DAPK1: variants seen among roughly 807,000 people sequenced by gnomAD.
DAPK1 encodes death-associated protein kinase 1.
Under a neutral mutation model 144.9 loss-of-function variants are expected in DAPK1, and 56 were observed. The ratio of observed to expected loss-of-function variants is 0.39; its 90% CI spans 0.31 to 0.48. The LOEUF is 0.48. DAPK1 is among the 20% of genes least tolerant of loss of function. The probability of loss-of-function intolerance (pLI) is 0.95; values close to 1 mark genes in which losing one functional copy is unlikely to be tolerated. For missense variants in DAPK1, 1,454 were observed against 1,875.4 expected (o/e 0.78, Z 4.15); for synonymous variants, 690 against 749.0 (o/e 0.92, Z 1.29).
intron 3 of DAPK1, among the ~76,000 whole-genome samples, chr9:87,612,749 A>C (rs900595116): frequency 4.6e-5 from 7 of 152,158 alleles, no homozygotes; most frequent in African/African-American, 1.7e-4. Flanking sequence ...CAATACATAC[A>C]TCTCACTCCC....
chr9:87,587,511 A>G (rs2118862482), intron 2 of DAPK1, among the ~76,000 whole-genome samples: 1 of 152,292 alleles, frequency 6.6e-6, no homozygotes, highest in Non-Finnish European at 1.5e-5. Flanking sequence ...GCTCTCCAAG[A>G]GATGGAGCAA....
At chr9:87,527,195 A>G (rs1257078323) in intron 2 of DAPK1, among the ~76,000 whole-genome samples, 1 of 142,796 alleles carries the variant, frequency 7.0e-6, no homozygotes, top group Non-Finnish European at 1.5e-5. Flanking sequence ...AAAACCACCC[A>G]AGGGTGGCAT....
chr9:87,677,465 G>A (rs770525861), intron 19 of DAPK1, among the ~76,000 whole-genome samples: 14 of 152,222 alleles, frequency 9.2e-5, no homozygotes, highest in Non-Finnish European at 1.5e-4. Context: ...CAGGACAGAC[G>A]TGTGTGCTGA....
intron 2 of DAPK1, among the ~76,000 whole-genome samples, chr9:87,603,960 A>G (rs1828618300): frequency 6.6e-6 from 1 of 152,236 alleles, no homozygotes; most frequent in Non-Finnish European, 1.5e-5. Flanking sequence ...TAGAAAACCC[A>G]TCAAACTGAC....
chr9:87,531,148 C>G (rs1239390986), intron 2 of DAPK1, among the ~76,000 whole-genome samples: 1 of 152,136 alleles, frequency 6.6e-6, no homozygotes, highest in Non-Finnish European at 1.5e-5. Context: ...ATGCTCTGAT[C>G]ATTGCATTGT....
chr9:87,568,003 G>A (rs1292322259), intron 2 of DAPK1, among the ~76,000 whole-genome samples: 1 of 152,256 alleles, frequency 6.6e-6, no homozygotes, highest in Non-Finnish European at 1.5e-5. Flanking sequence ...GACGGTCCAA[G>A]GTCTCATGGC....
intron 18 of DAPK1, among the ~76,000 whole-genome samples, chr9:87,664,926 T>G (rs1427594905): frequency 6.6e-6 from 1 of 152,216 alleles, no homozygotes; most frequent in East Asian, 1.9e-4. Flanking sequence ...CTTGATGTTC[T>G]TCAAAAGTGC....
chr9:87,692,100 T>C (rs1422836960), intron 21 of DAPK1, among the ~76,000 whole-genome samples: 1 of 152,120 alleles, frequency 6.6e-6, no homozygotes, highest in Non-Finnish European at 1.5e-5. Context: ...CCAAATATTG[T>C]TGTATTGAAG....
chr9:87,518,703 T>A (rs576978480), intron 2 of DAPK1, among the ~76,000 whole-genome samples: 1 of 152,308 alleles, frequency 6.6e-6, no homozygotes, highest in Admixed American at 6.5e-5. Flanking sequence ...CTTATTTCTC[T>A]GTATCTGTGG....
chr9:87,499,491 T>A, intron 2 of DAPK1: 2 of 347,156 alleles, frequency 5.8e-6, no homozygotes, highest in East Asian at 8.6e-5. Flanking sequence ...AGCTTTTATG[T>A]GTGATTTAAA....
At chr9:87,563,498 A>G (rs1001314553) in intron 2 of DAPK1, among the ~76,000 whole-genome samples, 1 of 152,180 alleles carries the variant, frequency 6.6e-6, no homozygotes, top group African/African-American at 2.4e-5. Flanking sequence ...TATTCCCTGA[A>G]TTGGGGCTGG....
chr9:87,700,499 A>T (rs1272770406), intron 24 of DAPK1, among the ~76,000 whole-genome samples: 1 of 152,024 alleles, frequency 6.6e-6, no homozygotes, highest in East Asian at 1.9e-4. Context: ...TATTTTATTT[A>T]TTTATTTTAT....
intron 3 of DAPK1, among the ~76,000 whole-genome samples, chr9:87,613,085 T>C (rs1045134024): frequency 1.3e-5 from 2 of 152,206 alleles, no homozygotes; most frequent in Non-Finnish European, 2.9e-5. Context: ...GCTTTCTCTC[T>C]CTTTCTTTGT....
chr9:87,697,649 T>C (rs1825306400), intron 22 of DAPK1, among the ~76,000 whole-genome samples: 1 of 152,120 alleles, frequency 6.6e-6, no homozygotes, highest in Non-Finnish European at 1.5e-5. Context: ...ATCCTGTAAT[T>C]CCACTAAGAA....
chr9:87,613,492 T>C (rs1202732797), intron 3 of DAPK1, among the ~76,000 whole-genome samples: 2 of 152,254 alleles, frequency 1.3e-5, no homozygotes, highest in Non-Finnish European at 2.9e-5. Flanking sequence ...ACGGTTCAGT[T>C]GGCTCACTCT....
intron 2 of DAPK1, among the ~76,000 whole-genome samples, chr9:87,588,111 A>G (rs1258594597): frequency 1.3e-5 from 2 of 152,262 alleles, no homozygotes; most frequent in Non-Finnish European, 2.9e-5. Context: ...CAAAGCCAGG[A>G]TATAAAAGCA....
At chr9:87,629,376 T>C (rs1002468684) in intron 3 of DAPK1, among the ~76,000 whole-genome samples, 2 of 152,198 alleles carry the variant, frequency 1.3e-5, no homozygotes, top group East Asian at 3.9e-4. Context: ...CTCCAAGCTT[T>C]AGAGGGAGCA....
chr9:87,668,976 G>T, intron 19 of DAPK1: 1 of 273,724 alleles, frequency 3.7e-6, no homozygotes. Flanking sequence ...TGAGGACGCT[G>T]ACTCTGCCTC....
chr9:87,532,410 A>G (rs1293426947), intron 2 of DAPK1, among the ~76,000 whole-genome samples: 9 of 152,204 alleles, frequency 5.9e-5, no homozygotes, highest in Admixed American at 5.9e-4. Context: ...AGTCATGGTG[A>G]CAGAGACCAT....
Sources: allele counts gnomAD v4.1 joint callset (sites outside exome capture counted in the v4.1 genomes callset), GRCh38; gene constraint gnomAD v4.1.1; transcripts MANE v1.5; gene names NCBI Gene and HGNC (gene_info 2026-07-23, HGNC 2026-07-21).